PREX2: variants seen among roughly 807,000 people sequenced by gnomAD.
The protein encoded by PREX2 is phosphatidylinositol 3,4,5-trisphosphate-dependent Rac exchanger 2 protein.
A neutral mutation model predicts 203.2 loss-of-function variants in PREX2; 107 were observed. The ratio of observed to expected loss-of-function variants is 0.53; its 90% CI spans 0.45 to 0.62. PREX2 has a LOEUF of 0.62. PREX2 is among the 20% of genes least tolerant of loss of function. The pLI is 0.00. For synonymous variants in PREX2, 672 were observed against 663.6 expected, an observed-to-expected ratio of 1.01 and a Z score of -0.19; for missense variants, 1,777 against 1,955.9, an observed-to-expected ratio of 0.91 and a Z score of 1.72.
chr8:68,224,661 G>T, intron 39 of PREX2, 35 bp downstream of exon 39: 2 of 1,547,852 alleles, frequency 1.3e-6, no homozygotes, highest in South Asian at 1.1e-5. Context: ...TTGCCCGAAA[G>T]ATTTGCCAGC....
At chr8:68,147,133 C>T (rs574885427) in intron 34 of PREX2, among the ~76,000 whole-genome samples, 1 of 152,122 alleles carries the variant, frequency 6.6e-6, no homozygotes, top group South Asian at 2.1e-4. Flanking sequence ...TGAATGATAC[C>T]ATAGGGAATT....
In PREX2 at chr8:68,131,440, C is replaced by T. The variant is rs188543316; in HGVS notation, c.3767-2619C>T. Among the ~76,000 whole-genome samples, 15 of 152,222 alleles carry T rather than the reference C, an allele frequency of 9.9e-5. No individual in the cohort carries two copies. In the East Asian group the frequency reaches 2.9e-3, roughly 29 times the overall value. Reference sequence around the variant, plus strand: ...AATTTTTATTCAATATGGCTGAGGCCCCAGCTTGGATCCTCTAGTAGTTGT... The same window carrying T: ...AATTTTTATTCAATATGGCTGAGGCTCCAGCTTGGATCCTCTAGTAGTTGT... On this transcript the variant is annotated intron_variant, in intron 31 of 39. Coordinates refer to ENST00000288368, the MANE Select transcript of PREX2 (RefSeq NM_024870.4).
intron 31 of PREX2, among the ~76,000 whole-genome samples, chr8:68,128,666 G>C (rs1439955550): frequency 6.6e-6 from 1 of 152,150 alleles, no homozygotes; most frequent in African/African-American, 2.4e-5. Context: ...GGATTTGCAG[G>C]GTTCCAGGAA....
chr8:68,057,126 C>T (rs1449893985), intron 10 of PREX2, among the ~76,000 whole-genome samples: 1 of 152,088 alleles, frequency 6.6e-6, no homozygotes, highest in Non-Finnish European at 1.5e-5. Flanking sequence ...TGGCTTCCAC[C>T]TTGCTGGTCT....
intron 6 of PREX2, 107 bp from the exon 7 acceptor site, chr8:68,038,052 A>G (rs1808085821): frequency 8.1e-7 from 1 of 1,230,446 alleles, no homozygotes; most frequent in South Asian, 1.4e-5. Context: ...GCCTGTGCAT[A>G]GCTTGCTTCT....
At chr8:68,141,534 A>C (rs2129613560) in intron 33 of PREX2, among the ~76,000 whole-genome samples, 1 of 152,348 alleles carries the variant, frequency 6.6e-6, no homozygotes, top group South Asian at 2.1e-4. Context: ...CTATGAAGGA[A>C]ATAAGCAGAT....
chr8:68,023,749 GA>G (rs1333455621), intron 4 of PREX2, among the ~76,000 whole-genome samples: 28 of 151,970 alleles, frequency 1.8e-4, no homozygotes, highest in African/African-American at 5.3e-4. Context: ...TATTGTGATT[GA>G]AATTATCTTA....
chr8:68,139,790 C>A (rs1447819525), intron 33 of PREX2, among the ~76,000 whole-genome samples: 1 of 152,116 alleles, frequency 6.6e-6, no homozygotes, highest in Non-Finnish European at 1.5e-5. Context: ...GAACAAGAAG[C>A]ACAAAGTTAG....
chr8:68,136,206 A>G (rs1445333320), intron 32 of PREX2, among the ~76,000 whole-genome samples: 2 of 152,180 alleles, frequency 1.3e-5, no homozygotes, highest in Non-Finnish European at 2.9e-5. Flanking sequence ...TGAGCTATAC[A>G]TTTTAAATGG....
chr8:67,971,901 G>T (rs778578632), intron 1 of PREX2, among the ~76,000 whole-genome samples: 26 of 152,218 alleles, frequency 1.7e-4, no homozygotes, highest in Non-Finnish European at 3.1e-4. Flanking sequence ...GGATGTTGTA[G>T]AAATTAATAT....
At chr8:68,101,117 C>T (rs2129612606) in intron 23 of PREX2, among the ~76,000 whole-genome samples, 1 of 152,050 alleles carries the variant, frequency 6.6e-6, no homozygotes, top group East Asian at 1.9e-4. Context: ...TTTGGTGCAG[C>T]CGTACTAGAT....
chr8:68,175,909 G>C (rs1365181783), intron 35 of PREX2, among the ~76,000 whole-genome samples: 1 of 152,018 alleles, frequency 6.6e-6, no homozygotes, highest in East Asian at 1.9e-4. Flanking sequence ...GCAGAGCTTA[G>C]TATATTTTCT....
At chr8:68,138,945 A>G (rs541461216) in intron 33 of PREX2, among the ~76,000 whole-genome samples, 1 of 152,286 alleles carries the variant, frequency 6.6e-6, no homozygotes, top group South Asian at 2.1e-4. Flanking sequence ...CAGTACAATA[A>G]ATAAGGACTC....
Position 68,173,781 on chromosome 8 carries a change from C to A in PREX2, c.4346+16345C>A, listed in dbSNP as rs192943788. On this transcript the variant is annotated intron_variant, in intron 35 of 39. Coordinates refer to ENST00000288368, the MANE Select transcript of PREX2 (RefSeq NM_024870.4). ...GATGAAATCATCTTCAAAAAGAATTCTTTGAAGAGAACCTCCTCTGTCTCA... is the reference window on the plus strand; with the variant it reads ...GATGAAATCATCTTCAAAAAGAATTATTTGAAGAGAACCTCCTCTGTCTCA... Among the ~76,000 whole-genome samples, 995 of 152,158 alleles carry A rather than the reference C, an allele frequency of 6.5e-3. 10 individuals are homozygous for A. Among genetic ancestry groups the A allele is most frequent in the African/African-American group, 0.022 (900 of 41,534 alleles).
At chr8:68,081,654 T>G (rs532354690) in intron 17 of PREX2, among the ~76,000 whole-genome samples, 4 of 152,244 alleles carry the variant, frequency 2.6e-5, no homozygotes, top group African/African-American at 9.6e-5. Context: ...AGGACATGCT[T>G]TAACTATTTT....
At position 68,108,178 on chromosome 8, in the gene PREX2, C is replaced by T. The variant is rs1264802668; in HGVS notation, c.2785C>T (p.His929Tyr). ...KQAKSKISPL[H>Y]SSDFCPTNCH... ...GGCCAAATCTAAAATCTCCCCACTG[C>T]ACAGCAGTGATTTCTGCCCTACCAA... is the stretch of plus-strand genomic sequence containing the variant. Residue 929 changes from histidine (H) to tyrosine (Y), a missense_variant, in exon 24 of 40, where the codon CAC becomes TAC. Coordinates refer to ENST00000288368, the MANE Select transcript of PREX2 (RefSeq NM_024870.4). The T allele has an allele frequency of 6.2e-7, 1 of 1,614,020 alleles. No homozygotes were observed. Among genetic ancestry groups the T allele is most frequent in the Admixed American group, 1.7e-5 (1 of 59,992 alleles).
At chr8:68,174,671 A>ATAT (rs1404620655) in intron 35 of PREX2, among the ~76,000 whole-genome samples, 16 of 152,126 alleles carry the variant, frequency 1.1e-4, no homozygotes, top group African/African-American at 2.9e-4. Context: ...ATTATGCTTT[A>ATAT]TATACTTTTT....
At chr8:68,132,182 ACT>A (rs1811022597) in intron 31 of PREX2, among the ~76,000 whole-genome samples, 1 of 151,840 alleles carries the variant, frequency 6.6e-6, no homozygotes, top group African/African-American at 2.4e-5. Context: ...AGTGCCACTG[ACT>A]CTTTATTTTA....
intron 35 of PREX2, among the ~76,000 whole-genome samples, chr8:68,171,846 AT>A (rs1193513135): frequency 6.6e-6 from 1 of 152,222 alleles, no homozygotes; most frequent in Admixed American, 6.5e-5. Flanking sequence ...GAAAGAGAAT[AT>A]TAATTAGCAT....
Sources: allele counts gnomAD v4.1 joint callset (sites outside exome capture counted in the v4.1 genomes callset), GRCh38; gene constraint gnomAD v4.1.1; transcripts MANE v1.5; gene names NCBI Gene and HGNC (gene_info 2026-07-23, HGNC 2026-07-21).